The following RBFOX3 variants were observed in gnomAD, a reference collection of about 807,000 sequenced individuals.
The protein encoded by RBFOX3 is RNA binding protein fox-1 homolog 3.
A neutral mutation model predicts 48.7 loss-of-function variants in RBFOX3; 17 were observed. The observed-to-expected ratio is 0.35, with a 90% CI of 0.24 to 0.52. RBFOX3 has a LOEUF of 0.52. Ranked by LOEUF, RBFOX3 falls within the 20% of genes least tolerant of loss-of-function variation. The pLI is 0.94. For synonymous variants in RBFOX3, 212 were observed against 209.5 expected (o/e 1.01, Z -0.10); for missense variants, 382 against 497.5 (o/e 0.77, Z 2.21).
the RBFOX3 span, among the ~76,000 whole-genome samples, chr17:79,639,329 C>A: frequency 1.3e-5 from 2 of 152,048 alleles, no homozygotes; most frequent in African/African-American, 4.8e-5. Flanking sequence ...CACCCACCAC[C>A]GCGCCCGGCT....
At chr17:79,478,583 T>C (rs2078315119) in intron 2 of RBFOX3, among the ~76,000 whole-genome samples, 1 of 152,216 alleles carries the variant, frequency 6.6e-6, no homozygotes, top group South Asian at 2.1e-4. Context: ...CCTTGGCTCC[T>C]CTGTGTGACC....
At chr17:79,240,750 G>A (rs368348581) in intron 3 of RBFOX3, among the ~76,000 whole-genome samples, 19 of 147,746 alleles carry the variant, frequency 1.3e-4, no homozygotes, top group South Asian at 4.4e-4. Flanking sequence ...TGCAAGCTCC[G>A]CCTCCCAGAT....
At chr17:79,617,902 G>A in the RBFOX3 span, among the ~76,000 whole-genome samples, 8 of 152,224 alleles carry the variant, frequency 5.3e-5, no homozygotes, top group African/African-American at 1.9e-4. Context: ...GCCGCCTCTT[G>A]TGTCACATGC....
At chr17:79,428,190 G>A (rs1188499161) in intron 2 of RBFOX3, among the ~76,000 whole-genome samples, 5 of 152,234 alleles carry the variant, frequency 3.3e-5, no homozygotes, top group African/African-American at 1.2e-4. Context: ...ACTGTAGGTG[G>A]CTCCTGGGTG....
intron 2 of RBFOX3, among the ~76,000 whole-genome samples, chr17:79,381,824 T>C (rs2059961542): frequency 1.3e-5 from 2 of 152,104 alleles, no homozygotes; most frequent in South Asian, 4.2e-4. Context: ...GCTCCCTCCC[T>C]GGACTTGAGA....
At chr17:79,371,295 C>G (rs2058505233) in intron 2 of RBFOX3, among the ~76,000 whole-genome samples, 1 of 152,254 alleles carries the variant, frequency 6.6e-6, no homozygotes. Flanking sequence ...ATGGGCACAT[C>G]CGAAGGGCTG....
chr17:79,360,600 C>G (rs1306793794), intron 2 of RBFOX3, among the ~76,000 whole-genome samples: 2 of 152,144 alleles, frequency 1.3e-5, no homozygotes, highest in East Asian at 3.9e-4. Context: ...GGAGGGATAC[C>G]TGGCTGGGAC....
the RBFOX3 span, among the ~76,000 whole-genome samples, chr17:79,625,216 A>G: frequency 1.3e-5 from 2 of 152,238 alleles, no homozygotes; most frequent in Non-Finnish European, 2.9e-5. Flanking sequence ...CTGTCCCTGT[A>G]CATGAGTTTG....
At chr17:79,614,718 A>G (rs1007597420), upstream of RBFOX3, among the ~76,000 whole-genome samples, 1 of 152,370 alleles carries the variant, frequency 6.6e-6, no homozygotes, top group South Asian at 2.1e-4. Flanking sequence ...AGAACAAAAA[A>G]GCTGGGAAGT....
At chr17:79,280,161 A>ACG (rs76956215) in intron 3 of RBFOX3, among the ~76,000 whole-genome samples, 5 of 126,796 alleles carry the variant, frequency 3.9e-5, no homozygotes, top group South Asian at 5.6e-4. Context: ...GCACACACAC[A>ACG]CGCACACACC....
chr17:79,183,098 G>C (rs1161792132), intron 4 of RBFOX3, among the ~76,000 whole-genome samples: 1 of 148,000 alleles, frequency 6.8e-6, no homozygotes, highest in Non-Finnish European at 1.5e-5. Context: ...CGCCGCGCAG[G>C]GGCGCAGTTC....
intron 3 of RBFOX3, among the ~76,000 whole-genome samples, chr17:79,240,668 C>A (rs563910283): frequency 2.0e-5 from 3 of 152,074 alleles, no homozygotes; most frequent in Non-Finnish European, 4.4e-5. Flanking sequence ...TAAAATTGTT[C>A]TTTTTATTTT....
At chr17:79,566,368 G>A (rs1362786544) in intron 1 of RBFOX3, among the ~76,000 whole-genome samples, 2 of 152,216 alleles carry the variant, frequency 1.3e-5, no homozygotes, top group Admixed American at 6.5e-5. Flanking sequence ...GCCTTCCTCA[G>A]TAGCTCCGTC....
At chr17:79,341,345 A>C (rs990500713) in intron 2 of RBFOX3, among the ~76,000 whole-genome samples, 1 of 152,238 alleles carries the variant, frequency 6.6e-6, no homozygotes, top group Non-Finnish European at 1.5e-5. Flanking sequence ...CATATGCCAC[A>C]GCCCACTTTT....
At chr17:79,581,971 T>C (rs1043936528) in intron 1 of RBFOX3, among the ~76,000 whole-genome samples, 2 of 151,786 alleles carry the variant, frequency 1.3e-5, no homozygotes, top group Admixed American at 1.3e-4. Flanking sequence ...TATGTGCCTG[T>C]GCGTGGCTGT....
intron 1 of RBFOX3, among the ~76,000 whole-genome samples, chr17:79,577,680 A>G (rs1269901402): frequency 6.6e-6 from 1 of 152,220 alleles, no homozygotes; most frequent in Non-Finnish European, 1.5e-5. Context: ...TCTGTGGCTT[A>G]TCATTGCTGA....
At chr17:79,256,147 C>T (rs992594357) in intron 3 of RBFOX3, among the ~76,000 whole-genome samples, 2 of 151,960 alleles carry the variant, frequency 1.3e-5, no homozygotes, top group Non-Finnish European at 2.9e-5. Context: ...CAGGTGTGCA[C>T]CCCCGCCTTG....
intron 2 of RBFOX3, among the ~76,000 whole-genome samples, chr17:79,314,051 C>A (rs1161801370): frequency 6.6e-6 from 1 of 152,234 alleles, no homozygotes. Flanking sequence ...ACAGCCCCCA[C>A]ATGGTGTTTC....
At chr17:79,466,977 T>G (rs2076398802) in intron 2 of RBFOX3, among the ~76,000 whole-genome samples, 2 of 152,202 alleles carry the variant, frequency 1.3e-5, no homozygotes, top group Non-Finnish European at 2.9e-5. Flanking sequence ...GGGACATCCC[T>G]GTCTGTGAAC....
Sources: allele counts gnomAD v4.1 joint callset (sites outside exome capture counted in the v4.1 genomes callset), GRCh38; gene constraint gnomAD v4.1.1; transcripts MANE v1.5; gene names NCBI Gene and HGNC (gene_info 2026-07-23, HGNC 2026-07-21).